SCAI: variants seen among roughly 807,000 people sequenced by gnomAD.
The protein encoded by SCAI is suppressor of cancer cell invasion.
SCAI carries 24 observed loss-of-function variants against 92.2 expected under a neutral mutation model. The ratio of observed to expected loss-of-function variants is 0.26; its 90% confidence interval spans 0.19 to 0.37. The LOEUF is 0.37. Ranked by LOEUF, SCAI falls within the 10% of genes least tolerant of loss-of-function variation. The probability of loss-of-function intolerance (pLI) is 1.00; values close to 1 mark genes in which losing one functional copy is unlikely to be tolerated. For synonymous variants in SCAI, 261 were observed against 258.6 expected (o/e 1.01, Z -0.09); for missense variants, 450 against 736.2 (o/e 0.61, Z 4.50).
chr9:124,971,214 C>T (rs1831651877), intron 17 of SCAI, 156 bp downstream of exon 17: 1 of 449,164 alleles, frequency 2.2e-6, no homozygotes, highest in Admixed American at 4.0e-5. Flanking sequence ...TTTTACTTAG[C>T]AGACCAGTGT....
chr9:125,003,075 A>C, intron 11 of SCAI, 39 bp downstream of exon 11: 1 of 1,307,218 alleles, frequency 7.6e-7, no homozygotes, highest in Non-Finnish European at 1.1e-6. Flanking sequence ...GTTAGGGCAC[A>C]CTTTCACCTC....
chr9:125,134,284 C>A (rs1456043762), intron 2 of SCAI, among the ~76,000 whole-genome samples: 1 of 152,076 alleles, frequency 6.6e-6, no homozygotes, highest in African/African-American at 2.4e-5. Flanking sequence ...ACTGTGTAAA[C>A]CTTTGTATAT....
chr9:125,053,904 G>C (rs1354435367), intron 3 of SCAI, among the ~76,000 whole-genome samples: 1 of 152,174 alleles, frequency 6.6e-6, no homozygotes, highest in Non-Finnish European at 1.5e-5. Flanking sequence ...CCATGTGCCA[G>C]AAGTTACACA....
chr9:124,994,182 G>A (rs188245951), intron 14 of SCAI, among the ~76,000 whole-genome samples: 65 of 151,982 alleles, frequency 4.3e-4, no homozygotes, highest in Admixed American at 5.9e-4. Context: ...TTACAGGCAC[G>A]CACCACCACG....
chr9:125,029,577 T>G, intron 4 of SCAI, 67 bp downstream of exon 4: 1 of 850,852 alleles, frequency 1.2e-6, no homozygotes, highest in Non-Finnish European at 1.9e-6. Flanking sequence ...ACTGAAGTAG[T>G]GAAGATAAAA....
intron 2 of SCAI, among the ~76,000 whole-genome samples, chr9:125,076,758 G>T (rs1029022698): frequency 2.6e-5 from 4 of 152,014 alleles, no homozygotes; most frequent in Non-Finnish European, 5.9e-5. Context: ...GAGTGCAGTG[G>T]CGTGATCTCA....
chr9:125,044,780 G>C (rs1168390999), intron 3 of SCAI, among the ~76,000 whole-genome samples: 2 of 152,196 alleles, frequency 1.3e-5, no homozygotes, highest in African/African-American at 4.8e-5. Flanking sequence ...CTGAGCCAGG[G>C]TTGTGACATC....
intron 2 of SCAI, among the ~76,000 whole-genome samples, chr9:125,114,428 A>G (rs1834995047): frequency 6.6e-6 from 1 of 152,210 alleles, no homozygotes; most frequent in Non-Finnish European, 1.5e-5. Flanking sequence ...ATCTAGTATA[A>G]TGGCTAAATT....
intron 15 of SCAI, chr9:124,975,324 C>A (rs1259410352): frequency 1.1e-5 from 5 of 456,626 alleles, no homozygotes; most frequent in South Asian, 7.7e-5. Flanking sequence ...CAAACTATGT[C>A]AGCAGACAGG....
At chr9:125,094,919 G>A in intron 2 of SCAI, among the ~76,000 whole-genome samples, 1 of 152,226 alleles carries the variant, frequency 6.6e-6, no homozygotes, top group Non-Finnish European at 1.5e-5. Context: ...AGAAACTACT[G>A]ATAAAGGAAT....
At chr9:125,138,227 T>TG (rs1394879747) in intron 2 of SCAI, among the ~76,000 whole-genome samples, 1 of 151,650 alleles carries the variant, frequency 6.6e-6, no homozygotes, top group East Asian at 1.9e-4. Context: ...CTTACAACCT[T>TG]GGGGAAGTCG....
At chr9:125,126,392 GGTGTGT>G (rs3222316) in intron 2 of SCAI, among the ~76,000 whole-genome samples, 15 of 115,106 alleles carry the variant, frequency 1.3e-4, no homozygotes, top group African/African-American at 3.6e-4. Flanking sequence ...GTGAGTTGGG[GGTGTGT>G]GTGTGTGTGT....
intron 14 of SCAI, among the ~76,000 whole-genome samples, chr9:124,984,435 T>A (rs934112857): frequency 6.6e-6 from 1 of 152,186 alleles, no homozygotes; most frequent in African/African-American, 2.4e-5. Context: ...GGAGGAAGAC[T>A]CATTAGAAGG....
chr9:124,951,671 C>A lies in SCAI; in HGVS notation c.*1136G>T, dbSNP rs1005304392. The A allele has an allele frequency of 6.6e-6, 1 of 151,780 alleles. No individual in the cohort carries two copies. Among genetic ancestry groups the A allele is most frequent in the African/African-American group, 2.4e-5 (1 of 41,276 alleles). 9.4% of individuals were successfully genotyped at this position (151,780 alleles called of 1,614,324 possible). Reference sequence around the variant, plus strand: ...TTTCTGAAATTGAATGCTGCATAATCAAAAAGGAGGGAGGACTTCATAGCA... The same window carrying A: ...TTTCTGAAATTGAATGCTGCATAATAAAAAAGGAGGGAGGACTTCATAGCA... On this transcript the variant is annotated 3_prime_UTR_variant, in exon 18 of 18. Coordinates refer to ENST00000336505, the MANE Select transcript of SCAI (RefSeq NM_001144877.3).
chr9:125,021,639 T>C (rs1832872182), intron 6 of SCAI, among the ~76,000 whole-genome samples: 1 of 152,242 alleles, frequency 6.6e-6, no homozygotes, highest in Non-Finnish European at 1.5e-5. Context: ...TTCCATATCC[T>C]ACATCACAAA....
intron 2 of SCAI, among the ~76,000 whole-genome samples, chr9:125,120,544 T>G (rs1005398994): frequency 6.6e-6 from 1 of 152,030 alleles, no homozygotes; most frequent in African/African-American, 2.4e-5. Context: ...AATACAAAAA[T>G]TAGCCAGACA....
chr9:125,040,331 A>C (rs1001552582), intron 3 of SCAI, among the ~76,000 whole-genome samples: 1 of 152,198 alleles, frequency 6.6e-6, no homozygotes, highest in African/African-American at 2.4e-5. Context: ...ACTGCACTCC[A>C]GCCTGGGTGA....
intron 17 of SCAI, among the ~76,000 whole-genome samples, chr9:124,963,837 T>C (rs1276293275): frequency 6.9e-6 from 1 of 144,812 alleles, no homozygotes; most frequent in Non-Finnish European, 1.5e-5. Flanking sequence ...TAAATGGAAG[T>C]GGATTATCAT....
chr9:124,980,169 C>T (rs745730152), intron 14 of SCAI, among the ~76,000 whole-genome samples: 1 of 152,066 alleles, frequency 6.6e-6, no homozygotes, highest in Non-Finnish European at 1.5e-5. Flanking sequence ...ATTTTCTGCA[C>T]TACAGATCCC....
Sources: allele counts gnomAD v4.1 joint callset (sites outside exome capture counted in the v4.1 genomes callset), GRCh38; gene constraint gnomAD v4.1.1; transcripts MANE v1.5; gene names NCBI Gene and HGNC (gene_info 2026-07-23, HGNC 2026-07-21).